Variants in CCDC32 observed in about 807,000 individuals in gnomAD.
The protein encoded by CCDC32 is coiled-coil domain containing 32.
CCDC32 carries 9 observed loss-of-function variants against 20.1 expected under a neutral mutation model. The observed-to-expected ratio is 0.45, with a 90% CI of 0.27 to 0.78. CCDC32 has a LOEUF of 0.78. CCDC32 is among the 30% of genes least tolerant of loss of function. CCDC32 has a pLI of 0.16. For synonymous variants in CCDC32, 63 were observed against 79.0 expected (o/e 0.80, Z 1.07); for missense variants, 204 against 215.5 (o/e 0.95, Z 0.33).
downstream of CCDC32, among the ~76,000 whole-genome samples, chr15:40,525,852 C>T (rs1174162092): frequency 3.9e-5 from 6 of 152,248 alleles, no homozygotes; most frequent in African/African-American, 1.2e-4. Flanking sequence ...CTGGTCCACC[C>T]AATGCCCTGG....
intron 3 of CCDC32, among the ~76,000 whole-genome samples, chr15:40,546,708 AT>A (rs35672819): frequency 6.8e-5 from 10 of 146,198 alleles, no homozygotes; most frequent in African/African-American, 1.3e-4. Context: ...GTGTTTTGCA[AT>A]TTTTTTTTTT....
the CCDC32 span, among the ~76,000 whole-genome samples, chr15:40,521,470 C>G: frequency 2.6e-5 from 4 of 151,946 alleles, no homozygotes; most frequent in African/African-American, 7.3e-5. Context: ...GGGTTATTTC[C>G]ACTTTGGGCT....
downstream of CCDC32, chr15:40,536,330 C>G (rs1211761248): frequency 6.6e-6 from 1 of 152,374 alleles, no homozygotes; most frequent in Non-Finnish European, 1.5e-5. Flanking sequence ...CGGGAAGATG[C>G]CTTTAGCCCT....
At chr15:40,564,729 T>C in intron 1 of CCDC32, 1 of 1,614,150 alleles carries the variant, frequency 6.2e-7, no homozygotes, top group Non-Finnish European at 8.5e-7. Context: ...CCAACCCGAA[T>C]TCGTCTAAAG....
At chr15:40,549,982 TGGCGGGAC>T (rs1889778752), downstream of CCDC32, among the ~76,000 whole-genome samples, 6 of 152,340 alleles carry the variant, frequency 3.9e-5, no homozygotes, top group South Asian at 1.2e-3. Flanking sequence ...CGGCCACAGC[TGGCGGGAC>T]GTTTGTTTAC....
intron 2 of CCDC32, 32 bp from the exon 3 acceptor site, chr15:40,557,404 A>G: frequency 6.4e-7 from 1 of 1,560,516 alleles, no homozygotes; most frequent in Non-Finnish European, 8.6e-7. Context: ...AACAAGGAAA[A>G]TGAGCATGAC....
chr15:40,535,232 C>A, downstream of CCDC32: 1 of 1,409,664 alleles, frequency 7.1e-7, no homozygotes, highest in Middle Eastern at 2.6e-4. Flanking sequence ...TAGGAGACTT[C>A]TGCAGTAGTC....
intron 1 of CCDC32, 135 bp downstream of exon 1, chr15:40,564,841 C>T: frequency 6.2e-7 from 1 of 1,609,606 alleles, no homozygotes; most frequent in Non-Finnish European, 8.5e-7. Context: ...GTCCAGATCC[C>T]AGGCCTCAGT....
At chr15:40,523,110 C>T in the CCDC32 span, among the ~76,000 whole-genome samples, 2 of 151,718 alleles carry the variant, frequency 1.3e-5, no homozygotes, top group Admixed American at 6.6e-5. Flanking sequence ...AGTGAAACCT[C>T]ATCTCTACTA....
downstream of CCDC32, chr15:40,537,266 AG>A: frequency 6.6e-6 from 1 of 152,516 alleles, no homozygotes; most frequent in Non-Finnish European, 1.5e-5. Context: ...GCTGAGCTGG[AG>A]GGGGGATCAC....
intron 3 of CCDC32, among the ~76,000 whole-genome samples, chr15:40,544,819 C>T (rs1889546405): frequency 6.6e-6 from 1 of 151,988 alleles, no homozygotes; most frequent in African/African-American, 2.4e-5. Flanking sequence ...ATACTCTGTT[C>T]TTCTCTGTCC....
intron 2 of CCDC32, among the ~76,000 whole-genome samples, chr15:40,561,627 T>C (rs1215779212): frequency 6.6e-6 from 1 of 152,066 alleles, no homozygotes; most frequent in Non-Finnish European, 1.5e-5. Context: ...ATGGGTGCAC[T>C]AAAATCTCAG....
At chr15:40,557,399 G>A (rs1463915684) in intron 2 of CCDC32, 27 bp from the exon 3 acceptor site, 4 of 1,560,750 alleles carry the variant, frequency 2.6e-6, no homozygotes, top group Admixed American at 4.3e-5. Flanking sequence ...AGCTTAACAA[G>A]GAAAATGAGC....
downstream of CCDC32, among the ~76,000 whole-genome samples, chr15:40,550,102 G>A (rs1889787623): frequency 1.3e-5 from 2 of 152,228 alleles, no homozygotes; most frequent in African/African-American, 2.4e-5. Context: ...ATGAGCACGT[G>A]TGTGTGCCGG....
At chr15:40,546,715 T>TA (rs1323812034) in intron 3 of CCDC32, among the ~76,000 whole-genome samples, 1 of 151,600 alleles carries the variant, frequency 6.6e-6, no homozygotes, top group East Asian at 1.9e-4. Flanking sequence ...GCAATTTTTT[T>TA]TTTTTTGAGA....
chr15:40,549,515 C>T (rs1407043459), downstream of CCDC32, among the ~76,000 whole-genome samples: 1 of 152,200 alleles, frequency 6.6e-6, no homozygotes, highest in African/African-American at 2.4e-5. Context: ...GCTCTCATAT[C>T]TCCTTCCCAT....
At chr15:40,526,091 C>T (rs182749112), downstream of CCDC32, among the ~76,000 whole-genome samples, 56 of 152,210 alleles carry the variant, frequency 3.7e-4, no homozygotes, top group African/African-American at 1.3e-3. Context: ...GGGCCCACTG[C>T]GGCCTCACCT....
chr15:40,565,001 G>A lies in CCDC32; in HGVS notation c.-38C>T, dbSNP rs747873460. On this transcript the variant is annotated 5_prime_UTR_variant, in exon 1 of 4. Transcript: ENST00000416810. ...CGTAACAGCTGCCCAGTAAACGCTTGGCTCAGCTCTGTCGCCTGTAGCCCG... is the reference window on the plus strand; with the variant it reads ...CGTAACAGCTGCCCAGTAAACGCTTAGCTCAGCTCTGTCGCCTGTAGCCCG... The A allele has an allele frequency of 5.1e-6, 3 of 590,846 alleles. No individual in the cohort carries two copies. The highest frequency in any genetic ancestry group is 9.0e-6 in the Non-Finnish European group (3 of 332,886). 36.6% of individuals were successfully genotyped at this position (590,846 alleles called of 1,614,324 possible). A position where few individuals can be genotyped will look rare whatever the true frequency, so the allele number is the denominator to read the frequency against.
chr15:40,541,232 A>G (rs1889378648), intron 3 of CCDC32, among the ~76,000 whole-genome samples: 1 of 152,220 alleles, frequency 6.6e-6, no homozygotes, highest in Non-Finnish European at 1.5e-5. Flanking sequence ...CAGGGGCTTA[A>G]TACCTCCAAA....
Sources: gnomAD v4.1 joint callset for allele counts (sites outside exome capture counted in the v4.1 genomes callset) on GRCh38, gnomAD v4.1.1 for gene constraint, MANE v1.5 for transcripts, NCBI Gene and HGNC (gene_info 2026-07-23, HGNC 2026-07-21) for gene names.